Variants in RNF38 observed in about 807,000 individuals in gnomAD.
RNF38 encodes the protein ring finger protein 38, also known as E3 ubiquitin-protein ligase RNF38.
Under a neutral mutation model 67.2 loss-of-function variants are expected in RNF38, and 15 were observed. That is an observed-to-expected ratio of 0.22 (90% CI 0.15 to 0.34). RNF38 has a LOEUF of 0.34. RNF38 is among the 10% of genes least tolerant of loss of function. RNF38 has a pLI of 1.00. For missense variants in RNF38, 524 were observed against 639.9 expected (o/e 0.82, Z 1.95); for synonymous variants, 220 against 218.8 (o/e 1.01, Z -0.05).
intron 4 of RNF38, among the ~76,000 whole-genome samples, chr9:36,359,688 AG>A (rs1218189190): frequency 6.6e-6 from 1 of 152,092 alleles, no homozygotes; most frequent in Non-Finnish European, 1.5e-5. Context: ...ATTAGTATTA[AG>A]ATTGTACTAA....
intron 2 of RNF38, among the ~76,000 whole-genome samples, chr9:36,388,023 A>AT (rs1688175603): frequency 1.3e-5 from 2 of 152,346 alleles, no homozygotes; most frequent in African/African-American, 4.8e-5. Flanking sequence ...GTAGGGATGA[A>AT]TTTTTTAAAA....
intron 2 of RNF38, among the ~76,000 whole-genome samples, chr9:36,416,419 A>AGCAAGGCT (rs1246936536): frequency 6.6e-6 from 1 of 152,088 alleles, no homozygotes; most frequent in Non-Finnish European, 1.5e-5. Context: ...GCAGCCTTAG[A>AGCAAGGCT]GCAAGGCTGA....
At chr9:36,358,899 T>C (rs1406276896) in intron 4 of RNF38, among the ~76,000 whole-genome samples, 1 of 152,114 alleles carries the variant, frequency 6.6e-6, no homozygotes, top group African/African-American at 2.4e-5. Flanking sequence ...TAATCCCAGC[T>C]ACTTGGGAGG....
chr9:36,344,849 G>A lies in RNF38; in HGVS notation c.1368C>T (p.His456=). 6.2e-7 allele frequency: 1 copy of A among 1,613,878 alleles called. No homozygotes were observed. The highest frequency in any genetic ancestry group is 2.2e-5 in the East Asian group (1 of 44,880). Residue 456 remains histidine, a synonymous_variant, in exon 10 of 12, where the codon CAC becomes CAT. Transcript: ENST00000259605. ...TTACTTACAAAGTCTGTTCTGACTG[G>A]TGGTTGTTAGGATTGAACCGATAAG... ...LPSYRFNPNN[H]QSEQTLCVVC...
chr9:36,464,615 A>G (rs1163043337), intron 1 of RNF38, among the ~76,000 whole-genome samples: 1 of 152,084 alleles, frequency 6.6e-6, no homozygotes, highest in African/African-American at 2.4e-5. Context: ...TCAGTCATAT[A>G]TATCTACTCA....
At chr9:36,451,775 C>T (rs1420340235) in intron 1 of RNF38, among the ~76,000 whole-genome samples, 3 of 151,680 alleles carry the variant, frequency 2.0e-5, no homozygotes, top group South Asian at 4.2e-4. Flanking sequence ...GCTGGGATTA[C>T]AGGCATTAGC....
chr9:36,406,648 T>C (rs906769801), intron 2 of RNF38, among the ~76,000 whole-genome samples: 2 of 152,236 alleles, frequency 1.3e-5, no homozygotes, highest in African/African-American at 4.8e-5. Context: ...GTTCTGTTAA[T>C]GATATGTAAA....
At chr9:36,471,760 T>C (rs549429159) in intron 1 of RNF38, among the ~76,000 whole-genome samples, 55 of 152,344 alleles carry the variant, frequency 3.6e-4, no homozygotes, top group African/African-American at 1.3e-3. Context: ...TGCACATAAA[T>C]TTACTTTACT....
rs1429809465 is a variant in RNF38, at chr9:36,390,614, T to C, written c.15A>G (p.Ile5Met). ...GAGATGCTGAATTGGCCCCGGGAGA[T>C]ATCTGGGAAAAAGAGGAAGAAAAGG... Reference protein sequence around the residue: MACKISPGANSASLP... With the variant: MACKMSPGANSASLP... Residue 5 changes from isoleucine (I) to methionine (M), a missense_variant and splice_region_variant, in exon 2 of 12, where the codon ATA becomes ATG. Coordinates refer to ENST00000259605, the MANE Select transcript of RNF38 (RefSeq NM_022781.5). 1.2e-6 allele frequency: 2 copies of C among 1,613,674 alleles called. No homozygotes were observed. The highest frequency in any genetic ancestry group is 1.7e-6 in the Non-Finnish European group (2 of 1,179,826).
chr9:36,417,808 GC>G (rs1357596123), intron 2 of RNF38, among the ~76,000 whole-genome samples: 1 of 152,102 alleles, frequency 6.6e-6, no homozygotes, highest in Non-Finnish European at 1.5e-5. Context: ...ACCAAACCCA[GC>G]CACTTCCACC....
intron 1 of RNF38, among the ~76,000 whole-genome samples, chr9:36,451,956 C>T (rs901348806): frequency 5.9e-5 from 9 of 152,090 alleles, no homozygotes; most frequent in South Asian, 2.1e-4. Flanking sequence ...GTGGCTCACC[C>T]CTGTAATCCC....
At chr9:36,369,958 C>G (rs1835254177) in intron 3 of RNF38, 26 bp from the exon 4 acceptor site, 9 of 1,572,394 alleles carry the variant, frequency 5.7e-6, no homozygotes, top group Non-Finnish European at 7.8e-6. Context: ...AAAAGAAAGT[C>G]ATTATGCTTA....
chr9:36,460,143 G>A (rs149251409), intron 1 of RNF38, among the ~76,000 whole-genome samples: 1 of 152,194 alleles, frequency 6.6e-6, no homozygotes, highest in African/African-American at 2.4e-5. Context: ...GGTTTCTTAA[G>A]CTTATGATCA....
intron 9 of RNF38, among the ~76,000 whole-genome samples, chr9:36,349,589 G>A (rs145928956): frequency 0.013 from 2,008 of 152,054 alleles, 39 homozygotes; most frequent in African/African-American, 0.044. Flanking sequence ...TCATTCTGCT[G>A]TTTCTTTCTT....
chr9:36,379,122 A>C (rs1235727328), intron 2 of RNF38, among the ~76,000 whole-genome samples: 2 of 151,958 alleles, frequency 1.3e-5, no homozygotes, highest in African/African-American at 2.4e-5. Flanking sequence ...ATGGTCTCGA[A>C]CTCTCGACCT....
intron 2 of RNF38, among the ~76,000 whole-genome samples, chr9:36,382,890 T>C (rs1390437757): frequency 2.6e-5 from 4 of 152,184 alleles, no homozygotes; most frequent in Non-Finnish European, 5.9e-5. Flanking sequence ...AAGTTTCTTA[T>C]TCCACAATTA....
chr9:36,473,669 T>G (rs754865262), intron 1 of RNF38, among the ~76,000 whole-genome samples: 1 of 152,126 alleles, frequency 6.6e-6, no homozygotes, highest in South Asian at 2.1e-4. Context: ...ACTCCTGATG[T>G]GACCAAGTAA....
chr9:36,452,013 T>C (rs568476281), intron 1 of RNF38, among the ~76,000 whole-genome samples: 1 of 152,046 alleles, frequency 6.6e-6, no homozygotes, highest in Admixed American at 6.6e-5. Flanking sequence ...GCTCAGGAGT[T>C]CAAGAATAGC....
chr9:36,483,743 T>A (rs999353729), intron 1 of RNF38, among the ~76,000 whole-genome samples: 11 of 152,214 alleles, frequency 7.2e-5, no homozygotes, highest in African/African-American at 2.7e-4. Flanking sequence ...TCTTAAGACA[T>A]AATGACATGT....
Sources: gnomAD v4.1 joint callset for allele counts (sites outside exome capture counted in the v4.1 genomes callset) on GRCh38, gnomAD v4.1.1 for gene constraint, MANE v1.5 for transcripts, NCBI Gene and HGNC (gene_info 2026-07-23, HGNC 2026-07-21) for gene names.